Variants in RASGRP1 observed in about 807,000 individuals in gnomAD.
RASGRP1 encodes the protein RAS guanyl releasing protein 1.
In RASGRP1, 37 loss-of-function variants were observed where a neutral mutation model predicts 95.1. The observed-to-expected ratio is 0.39, with a 90% CI of 0.30 to 0.51. The LOEUF is 0.51. Among genes scored for constraint, RASGRP1 ranks in the 20% least tolerant of loss-of-function variants. The pLI is 0.80. For synonymous variants in RASGRP1, 325 were observed against 353.4 expected (o/e 0.92, Z 0.90); for missense variants, 711 against 965.4 (o/e 0.74, Z 3.49).
At chr15:38,492,784 G>A (rs187918433) in intron 16 of RASGRP1, among the ~76,000 whole-genome samples, 72 of 152,216 alleles carry the variant, frequency 4.7e-4, no homozygotes, top group African/African-American at 1.7e-3. Flanking sequence ...GAAACAAAAA[G>A]AAGTATAGTA....
intron 8 of RASGRP1, among the ~76,000 whole-genome samples, chr15:38,508,977 C>A (rs1891380513): frequency 6.6e-6 from 1 of 152,190 alleles, no homozygotes; most frequent in African/African-American, 2.4e-5. Context: ...CGATTGCTGT[C>A]AAGTGGAACA....
chr15:38,533,928 C>T (rs1892539318), intron 2 of RASGRP1, among the ~76,000 whole-genome samples: 2 of 152,236 alleles, frequency 1.3e-5, no homozygotes, highest in African/African-American at 2.4e-5. Context: ...AGTCACTGAA[C>T]ATGCACCTAG....
At chr15:38,553,138 T>C (rs1039478798) in intron 2 of RASGRP1, among the ~76,000 whole-genome samples, 9 of 152,254 alleles carry the variant, frequency 5.9e-5, no homozygotes, top group African/African-American at 2.2e-4. Flanking sequence ...ATTCTCACTC[T>C]TTCCCCGTTC....
intron 15 of RASGRP1, among the ~76,000 whole-genome samples, chr15:38,498,096 G>C (rs759110666): frequency 6.6e-6 from 1 of 152,176 alleles, no homozygotes; most frequent in African/African-American, 2.4e-5. Flanking sequence ...GTAGAACTCT[G>C]TCTGTGGCTA....
intron 2 of RASGRP1, among the ~76,000 whole-genome samples, chr15:38,542,869 AT>A: frequency 7.1e-6 from 1 of 140,428 alleles, no homozygotes; most frequent in East Asian, 2.1e-4. Flanking sequence ...ATACACATAT[AT>A]GTGTATATAT....
Position 38,502,404 on chromosome 15 carries a change from A to G in RASGRP1, c.1446T>C (p.Tyr482=), listed in dbSNP as rs77995194. The G allele has an allele frequency of 1.0e-3, 1,603 of 1,597,488 alleles. 14 individuals carry two copies. The African/African-American group carries it at 0.019, about 19-fold the overall frequency. Residue 482 remains tyrosine, a synonymous_variant, in exon 12 of 17, where the codon TAT becomes TAC. Transcript: ENST00000310803. ...QRMVDSVFKN[Y]DHDQDGYISQ... Reference sequence around the variant, plus strand: ...AAATGTATCCATCCTGGTCGTGATCATAGTTCTTGAAGACAGACTGTGAAA... The same window carrying G: ...AAATGTATCCATCCTGGTCGTGATCGTAGTTCTTGAAGACAGACTGTGAAA...
chr15:38,564,568 C>A, intron 1 of RASGRP1, 26 bp downstream of exon 1: 1 of 1,366,872 alleles, frequency 7.3e-7, no homozygotes. Flanking sequence ...CAGGCGCTCC[C>A]GAGGGCCACG....
intron 3 of RASGRP1, among the ~76,000 whole-genome samples, chr15:38,525,817 C>G (rs186632899): frequency 6.6e-6 from 1 of 152,262 alleles, no homozygotes; most frequent in Admixed American, 6.5e-5. Flanking sequence ...GCAGGTTTTG[C>G]TTGGCACATA....
intron 16 of RASGRP1, among the ~76,000 whole-genome samples, chr15:38,493,913 A>C (rs4567661): frequency 0.34 from 51,278 of 152,118 alleles, 8,823 homozygotes; most frequent in South Asian, 0.43. Flanking sequence ...TGATGATCCT[A>C]AACCATAACC....
Position 38,489,190 on chromosome 15 carries a change from G to A in RASGRP1, c.*1364C>T, listed in dbSNP as rs539799623. ...TTGTTTATGAATTTCAAGTCAGTCT[G>A]GTACCAGACTTTATAGGCATGGAAG... On this transcript the variant is annotated 3_prime_UTR_variant, in exon 17 of 17. Transcript: ENST00000310803. 2.0e-5 allele frequency: 3 copies of A among 151,690 alleles called. No homozygotes were observed. The highest frequency in any genetic ancestry group is 2.0e-4 in the Admixed American group (3 of 15,230). The allele number at this position is 151,690 out of a possible 1,614,324, so 9.4% of individuals were successfully genotyped here.
intron 16 of RASGRP1, among the ~76,000 whole-genome samples, chr15:38,492,396 C>T (rs1428592506): frequency 6.6e-6 from 1 of 152,150 alleles, no homozygotes; most frequent in African/African-American, 2.4e-5. Flanking sequence ...GGGGGTCTGA[C>T]AGGGAAGGTA....
intron 2 of RASGRP1, among the ~76,000 whole-genome samples, chr15:38,546,944 TTGTC>T: frequency 6.6e-6 from 1 of 152,334 alleles, no homozygotes; most frequent in African/African-American, 2.4e-5. Context: ...GAAGTCCTGT[TTGTC>T]TAAGTTCTTT....
chr15:38,539,725 T>C (rs1420262471), intron 2 of RASGRP1, among the ~76,000 whole-genome samples: 2 of 151,398 alleles, frequency 1.3e-5, no homozygotes, highest in Non-Finnish European at 2.9e-5. Context: ...TCCCCGCTCC[T>C]CCCACCCCAC....
Position 38,507,984 on chromosome 15 carries a change from A to G in RASGRP1, c.984T>C (p.Thr328=). The G allele has an allele frequency of 3.7e-6, 6 of 1,605,742 alleles. No homozygotes were observed. The highest frequency in any genetic ancestry group is 1.1e-5 in the South Asian group (1 of 88,782). ...HEINKVLGEM[T]ELLSSSRNYD... ...AGTTTCTGGAGGAGGACAGCAGCTCAGTCATCTCACCGAGAACCTACAAAG... is the reference window on the plus strand; with the variant it reads ...AGTTTCTGGAGGAGGACAGCAGCTCGGTCATCTCACCGAGAACCTACAAAG... The change falls in exon 9 of 17, where the codon ACT becomes ACC. Residue 328 remains threonine, a synonymous_variant. Coordinates refer to ENST00000310803, the MANE Select transcript of RASGRP1 (RefSeq NM_005739.4).
At chr15:38,532,962 TCCTAC>T (rs1211332616) in intron 2 of RASGRP1, among the ~76,000 whole-genome samples, 10 of 152,226 alleles carry the variant, frequency 6.6e-5, no homozygotes, top group African/African-American at 2.4e-4. Context: ...GGGCCAGCTT[TCCTAC>T]AGTGAAGGCT....
At chr15:38,559,749 C>T (rs970551969) in intron 2 of RASGRP1, 72 bp downstream of exon 2, 29 of 1,455,070 alleles carry the variant, frequency 2.0e-5, no homozygotes, top group African/African-American at 7.0e-5. Flanking sequence ...ATTGCTGTTC[C>T]GTAAAGCACT....
intron 2 of RASGRP1, among the ~76,000 whole-genome samples, chr15:38,535,029 T>C (rs1892588180): frequency 6.6e-6 from 1 of 152,214 alleles, no homozygotes; most frequent in Admixed American, 6.5e-5. Flanking sequence ...GAACACCTGA[T>C]AATGATATGT....
At chr15:38,556,959 C>T (rs1893581609) in intron 2 of RASGRP1, among the ~76,000 whole-genome samples, 1 of 152,126 alleles carries the variant, frequency 6.6e-6, no homozygotes, top group African/African-American at 2.4e-5. Flanking sequence ...ATAATAATTT[C>T]CCCTCCACAC....
chr15:38,511,778 G>T, intron 7 of RASGRP1, 58 bp from the exon 8 acceptor site: 1 of 1,323,322 alleles, frequency 7.6e-7, no homozygotes, highest in Non-Finnish European at 1.1e-6. Flanking sequence ...TATATGGGGA[G>T]CTTAGAGGCT....
Sources: allele counts gnomAD v4.1 joint callset (sites outside exome capture counted in the v4.1 genomes callset), GRCh38; gene constraint gnomAD v4.1.1; transcripts MANE v1.5; gene names NCBI Gene and HGNC (gene_info 2026-07-23, HGNC 2026-07-21).